Variants in TSPAN14 observed in about 807,000 individuals in gnomAD.
TSPAN14 encodes tetraspanin 14.
Under a neutral mutation model 36.6 loss-of-function variants are expected in TSPAN14, and 16 were observed. The observed-to-expected ratio is 0.44, with a 90% CI of 0.30 to 0.66. TSPAN14 has a LOEUF of 0.66. Among genes scored for constraint, TSPAN14 ranks in the 30% least tolerant of loss-of-function variants. The pLI, the probability that TSPAN14 is intolerant of heterozygous loss-of-function variation, is 0.12. For synonymous variants in TSPAN14, 139 were observed against 143.8 expected (o/e 0.97, Z 0.24); for missense variants, 231 against 355.1 (o/e 0.65, Z 2.81).
chr10:80,472,079 A>G (rs575595002), intron 1 of TSPAN14, among the ~76,000 whole-genome samples: 7 of 152,256 alleles, frequency 4.6e-5, no homozygotes, highest in African/African-American at 1.7e-4. Context: ...TCAAGGCTGC[A>G]GTGAGCTGTG....
chr10:80,458,655 T>C (rs1007621524), intron 1 of TSPAN14, among the ~76,000 whole-genome samples: 1 of 152,188 alleles, frequency 6.6e-6, no homozygotes, highest in African/African-American at 2.4e-5. Flanking sequence ...TTGGTCTAGG[T>C]GAATGCCAGC....
intron 1 of TSPAN14, among the ~76,000 whole-genome samples, chr10:80,486,376 C>T (rs954841119): frequency 1.3e-5 from 2 of 152,220 alleles, no homozygotes; most frequent in African/African-American, 4.8e-5. Context: ...CCTGTGTTGC[C>T]ACAGGACAGT....
At chr10:80,483,011 A>T (rs1293459925) in intron 1 of TSPAN14, among the ~76,000 whole-genome samples, 1 of 152,166 alleles carries the variant, frequency 6.6e-6, no homozygotes, top group Non-Finnish European at 1.5e-5. Flanking sequence ...CTGGGATTAT[A>T]GGCGTGAGCC....
intron 6 of TSPAN14, among the ~76,000 whole-genome samples, chr10:80,512,842 C>T (rs1028444832): frequency 4.6e-5 from 7 of 151,546 alleles, no homozygotes; most frequent in African/African-American, 9.7e-5. Flanking sequence ...TACAGGTGCA[C>T]GCCACCACAC....
At chr10:80,472,082 G>C (rs1846584810) in intron 1 of TSPAN14, among the ~76,000 whole-genome samples, 1 of 152,120 alleles carries the variant, frequency 6.6e-6, no homozygotes, top group Non-Finnish European at 1.5e-5. Flanking sequence ...AGGCTGCAGT[G>C]AGCTGTGACG....
At chr10:80,492,897 T>A (rs184338579) in intron 2 of TSPAN14, among the ~76,000 whole-genome samples, 38 of 152,338 alleles carry the variant, frequency 2.5e-4, no homozygotes, top group African/African-American at 7.9e-4. Flanking sequence ...TTTTAAGCTC[T>A]CTTTCTGACT....
chr10:80,505,095 G>A (rs1308758556), intron 3 of TSPAN14, among the ~76,000 whole-genome samples: 1 of 152,228 alleles, frequency 6.6e-6, no homozygotes, highest in Non-Finnish European at 1.5e-5. Context: ...CTGGGAGCAA[G>A]CGGGCAGGTC....
chr10:80,475,124 C>G (rs922259073), intron 1 of TSPAN14, among the ~76,000 whole-genome samples: 3 of 152,206 alleles, frequency 2.0e-5, no homozygotes, highest in Non-Finnish European at 4.4e-5. Context: ...GGCCTGACTT[C>G]TTTGGGTGTG....
chr10:80,519,590 T>G (rs1182231940), exon 9 of TSPAN14: 1 of 152,390 alleles, frequency 6.6e-6, no homozygotes, highest in African/African-American at 2.4e-5. Context: ...ATGCTTCTCT[T>G]TGACTGCCAA....
At chr10:80,489,357 A>G in intron 2 of TSPAN14, 43 bp downstream of exon 2, 3 of 1,274,372 alleles carry the variant, frequency 2.4e-6, no homozygotes, top group East Asian at 2.5e-5. Context: ...TTAGTCCTTC[A>G]TTCAGTAAAT....
intron 3 of TSPAN14, 74 bp downstream of exon 3, chr10:80,504,852 T>C: frequency 6.8e-7 from 1 of 1,478,944 alleles, no homozygotes; most frequent in Non-Finnish European, 9.5e-7. Context: ...TTTTCCCTCC[T>C]CCAATCTGTT....
chr10:80,500,849 T>C (rs886898784), intron 2 of TSPAN14, among the ~76,000 whole-genome samples: 1 of 152,144 alleles, frequency 6.6e-6, no homozygotes, highest in African/African-American at 2.4e-5. Context: ...GAAGGGGCGA[T>C]TGGAACAGAG....
intron 1 of TSPAN14, among the ~76,000 whole-genome samples, chr10:80,476,273 T>C (rs1212474594): frequency 1.3e-5 from 2 of 152,126 alleles, no homozygotes; most frequent in Non-Finnish European, 2.9e-5. Context: ...CTTGAGAGGC[T>C]GAGGCAGGAT....
At chr10:80,512,588 C>G (rs142935440) in intron 6 of TSPAN14, among the ~76,000 whole-genome samples, 26 of 152,324 alleles carry the variant, frequency 1.7e-4, no homozygotes, top group African/African-American at 6.3e-4. Flanking sequence ...ATCCCTCTTC[C>G]CTGTCCTTTT....
chr10:80,485,292 G>A (rs1392820929), intron 1 of TSPAN14, among the ~76,000 whole-genome samples: 1 of 152,168 alleles, frequency 6.6e-6, no homozygotes, highest in East Asian at 1.9e-4. Context: ...GTATGATGTG[G>A]TTTAGCAAAT....
chr10:80,497,998 TG>T (rs1301359661), intron 2 of TSPAN14, among the ~76,000 whole-genome samples: 6 of 152,206 alleles, frequency 3.9e-5, no homozygotes, highest in African/African-American at 1.4e-4. Context: ...GCATCCCTTC[TG>T]GCTCCCAGAC....
chr10:80,520,720 C>A (rs1353733787), exon 9 of TSPAN14: 1 of 533,392 alleles, frequency 1.9e-6, no homozygotes, highest in African/African-American at 1.9e-5. Context: ...CAGGCAGCTT[C>A]TTATCTGGGC....
At chr10:80,495,559 G>A (rs1848156441) in intron 2 of TSPAN14, among the ~76,000 whole-genome samples, 1 of 152,194 alleles carries the variant, frequency 6.6e-6, no homozygotes, top group Non-Finnish European at 1.5e-5. Context: ...GATTACTGAG[G>A]AAGGGATGTT....
Position 80,495,026 on chromosome 10 carries a change from TCTA to T in TSPAN14, c.81+5716_81+5718del, listed in dbSNP as rs143289444. On this transcript the variant is annotated intron_variant, in intron 2 of 8. Coordinates refer to ENST00000429989, the Ensembl canonical transcript of TSPAN14. ...CATCAGCATCTGCTAATATAGAACA[TCTA>T]CTAATATAGAACATTCCAGGTTGCA... is the stretch of plus-strand genomic sequence containing the variant. Among the ~76,000 whole-genome samples the T allele has an allele frequency of 5.0e-4, 76 of 152,362 alleles. 1 individual carries two copies. The East Asian group carries it at 0.013, about 25-fold the overall frequency.
Sources: gnomAD v4.1 joint callset for allele counts (sites outside exome capture counted in the v4.1 genomes callset) on GRCh38, gnomAD v4.1.1 for gene constraint, MANE v1.5 for transcripts, NCBI Gene and HGNC (gene_info 2026-07-23, HGNC 2026-07-21) for gene names.